Variants in MGAT4C observed in about 807,000 individuals in gnomAD.
The protein encoded by MGAT4C is alpha-1,3-mannosyl-glycoprotein 4-beta-N-acetylglucosaminyltransferase C.
In MGAT4C, 19 loss-of-function variants were observed where a neutral mutation model predicts 40.1. The ratio of observed to expected loss-of-function variants is 0.47; its 90% CI spans 0.33 to 0.70. The LOEUF is 0.70. Ranked by LOEUF, MGAT4C falls within the 30% of genes least tolerant of loss-of-function variation. The pLI is 0.02. For missense variants in MGAT4C, 491 were observed against 563.2 expected, an observed-to-expected ratio of 0.87 and a Z score of 1.30; for synonymous variants, 181 against 187.1, an observed-to-expected ratio of 0.97 and a Z score of 0.27.
chr12:86,598,318 C>A (rs529342246), intron 2 of MGAT4C, among the ~76,000 whole-genome samples: 1 of 151,954 alleles, frequency 6.6e-6, no homozygotes, highest in East Asian at 1.9e-4. Flanking sequence ...TATACTTATT[C>A]CTTTCATTGA....
intron 1 of MGAT4C, among the ~76,000 whole-genome samples, chr12:86,152,505 A>G (rs1379686249): frequency 6.6e-6 from 1 of 152,172 alleles, no homozygotes; most frequent in Non-Finnish European, 1.5e-5. Flanking sequence ...AAGATCTCAC[A>G]TCTTAATACT....
At chr12:86,467,875 A>T (rs1957703976) in intron 2 of MGAT4C, among the ~76,000 whole-genome samples, 1 of 152,120 alleles carries the variant, frequency 6.6e-6, no homozygotes, top group Non-Finnish European at 1.5e-5. Flanking sequence ...AACCAGTTAC[A>T]TGGTAGATTG....
chr12:86,098,625 C>T (rs1214585824), intron 1 of MGAT4C, among the ~76,000 whole-genome samples: 6 of 151,522 alleles, frequency 4.0e-5, no homozygotes, highest in Non-Finnish European at 8.9e-5. Context: ...GTAGTCAGTC[C>T]TCCTTAACCT....
At position 86,010,864 on chromosome 12, in the gene MGAT4C, G is replaced by A. The variant is rs575539037; in HGVS notation, c.-6-21312C>T. 3.9e-5 allele frequency among the ~76,000 whole-genome samples: 6 copies of A among 152,140 alleles called. No homozygotes were observed. In the South Asian group the frequency reaches 1.2e-3, roughly 32 times the overall value. On this transcript the variant is annotated intron_variant, in intron 2 of 4. Coordinates refer to ENST00000611864, the MANE Select transcript of MGAT4C (RefSeq NM_001351288.2). ...ATGGATTAGTGGGTTATCACAGGAG[G>A]GGTTAGTTATCACAAGAGTGGGTCT...
intron 2 of MGAT4C, among the ~76,000 whole-genome samples, chr12:86,447,009 G>A (rs1158138893): frequency 6.6e-6 from 1 of 152,002 alleles, no homozygotes; most frequent in East Asian, 1.9e-4. Context: ...TTTAAACATT[G>A]ATTAAAAGAT....
At position 86,508,676 on chromosome 12, in the gene MGAT4C, CA is replaced by C. The variant is rs370516599; in HGVS notation, c.-228-73412del. On this transcript the variant is annotated intron_variant, in intron 2 of 7. Coordinates refer to the MGAT4C transcript ENST00000548651. ...TTGAACTAGTTTACAGTCCCACCAA[CA>C]GTGGAAAAGTGTTCCTATTTCTCCA... Among the ~76,000 whole-genome samples the C allele has an allele frequency of 0.019, 2,853 of 149,804 alleles. 206 individuals are homozygous for C. The East Asian group carries it at 0.24, about 12-fold the overall frequency.
At chr12:86,128,382 G>A (rs1880643360) in intron 1 of MGAT4C, among the ~76,000 whole-genome samples, 1 of 152,002 alleles carries the variant, frequency 6.6e-6, no homozygotes, top group Non-Finnish European at 1.5e-5. Context: ...CGTTCTCATG[G>A]TAGTGAATAA....
At chr12:86,053,503 T>C (rs1262424977) in intron 1 of MGAT4C, among the ~76,000 whole-genome samples, 1 of 151,810 alleles carries the variant, frequency 6.6e-6, no homozygotes, top group Non-Finnish European at 1.5e-5. Context: ...ATAATCTCTA[T>C]AATACTGGTC....
At chr12:86,415,707 C>CTTGAT (rs1956696515) in intron 3 of MGAT4C, among the ~76,000 whole-genome samples, 1 of 151,980 alleles carries the variant, frequency 6.6e-6, no homozygotes, top group East Asian at 1.9e-4. Flanking sequence ...AATAGGGAAT[C>CTTGAT]TATCAAGGAG....
intron 2 of MGAT4C, among the ~76,000 whole-genome samples, chr12:86,570,368 TGA>T (rs1960313344): frequency 6.6e-6 from 1 of 152,146 alleles, no homozygotes; most frequent in African/African-American, 2.4e-5. Flanking sequence ...CAGAAAGGTA[TGA>T]GAGTCTCAAA....
chr12:86,014,654 C>T (rs1180183085), intron 2 of MGAT4C, among the ~76,000 whole-genome samples: 1 of 152,060 alleles, frequency 6.6e-6, no homozygotes, highest in Non-Finnish European at 1.5e-5. Context: ...GGTCTGTTTT[C>T]ACCCTGCTGT....
chr12:86,760,556 A>T (rs1052927675), intron 1 of MGAT4C, among the ~76,000 whole-genome samples: 1 of 152,132 alleles, frequency 6.6e-6, no homozygotes, highest in African/African-American at 2.4e-5. Flanking sequence ...ACAAACAAAA[A>T]ATGTATACAC....
intron 1 of MGAT4C, among the ~76,000 whole-genome samples, chr12:86,172,948 A>G (rs2135837338): frequency 6.6e-6 from 1 of 152,270 alleles, no homozygotes; most frequent in South Asian, 2.1e-4. Flanking sequence ...TTATAGAGTC[A>G]TTACATTTTA....
chr12:86,519,395 A>C (rs1219256197), intron 2 of MGAT4C, among the ~76,000 whole-genome samples: 1 of 152,034 alleles, frequency 6.6e-6, no homozygotes, highest in Admixed American at 6.6e-5. Flanking sequence ...TGAAATACTG[A>C]TTTCATTTAT....
chr12:86,048,662 G>GT (rs1386087522), intron 2 of MGAT4C, among the ~76,000 whole-genome samples: 1 of 152,086 alleles, frequency 6.6e-6, no homozygotes, highest in African/African-American at 2.4e-5. Flanking sequence ...TGACTGAGGA[G>GT]TTCCAGAATT....
chr12:86,730,000 G>T (rs1010483131), intron 1 of MGAT4C, among the ~76,000 whole-genome samples: 2 of 151,706 alleles, frequency 1.3e-5, no homozygotes, highest in African/African-American at 4.8e-5. Context: ...TAAATCTTAG[G>T]TGATGGAAAA....
intron 1 of MGAT4C, among the ~76,000 whole-genome samples, chr12:86,067,104 T>C (rs946013592): frequency 2.6e-5 from 4 of 152,224 alleles, no homozygotes; most frequent in African/African-American, 9.6e-5. Flanking sequence ...TTCTACATTA[T>C]TTGTGGGAGT....
intron 2 of MGAT4C, among the ~76,000 whole-genome samples, chr12:86,679,596 C>A (rs1157422681): frequency 1.3e-5 from 2 of 151,940 alleles, no homozygotes; most frequent in East Asian, 3.9e-4. Context: ...GGAGGTGGGG[C>A]CATTTGGAGG....
At chr12:86,667,033 C>A (rs1964126859) in intron 2 of MGAT4C, among the ~76,000 whole-genome samples, 1 of 152,180 alleles carries the variant, frequency 6.6e-6, no homozygotes, top group South Asian at 2.1e-4. Flanking sequence ...ATGTGACATG[C>A]ATAAATTGCT....
Sources: allele counts gnomAD v4.1 joint callset (sites outside exome capture counted in the v4.1 genomes callset), GRCh38; gene constraint gnomAD v4.1.1; transcripts MANE v1.5; gene names NCBI Gene and HGNC (gene_info 2026-07-23, HGNC 2026-07-21).